The following CUL9 variants were observed in gnomAD, a reference collection of about 807,000 sequenced individuals.
CUL9 encodes cullin-9.
A neutral mutation model predicts 272.6 loss-of-function variants in CUL9; 79 were observed. That is an observed-to-expected ratio of 0.29 (90% CI 0.24 to 0.35). The LOEUF is 0.35. Among genes scored for constraint, CUL9 ranks in the 10% least tolerant of loss-of-function variants. The probability of loss-of-function intolerance (pLI) is 1.00; values close to 1 mark genes in which losing one functional copy is unlikely to be tolerated. For synonymous variants in CUL9, 1,186 were observed against 1,286.5 expected, an observed-to-expected ratio of 0.92 and a Z score of 1.67; for missense variants, 2,532 against 3,255.6, an observed-to-expected ratio of 0.78 and a Z score of 5.41.
intron 12 of CUL9, 79 bp downstream of exon 12, chr6:43,198,934 GTTTTC>G: frequency 6.9e-7 from 1 of 1,446,114 alleles, no homozygotes; most frequent in Non-Finnish European, 9.3e-7. Context: ...TTTCTTTTCT[GTTTTC>G]TTTTTTTTTT....
rs1170785666 is a variant in CUL9 at position 43,200,353 on chromosome 6, CTT to C, written c.3385-79_3385-78del. ...AGTTGAGTATACCGTTGACCCTTGA[CTT>C]TTTCTCTCTACCTGTTTCTGGGCAT... is the stretch of plus-strand genomic sequence containing the variant. On this transcript the variant is annotated intron_variant, in intron 14 of 40. Transcript: ENST00000252050. The surrounding 1 kb of genome is among the most constrained non-coding windows in gnomAD (Gnocchi z 4.0). 7 of 1,609,226 alleles carry C rather than the reference CTT, an allele frequency of 4.3e-6. No individual in the cohort carries two copies. Among genetic ancestry groups the C allele is most frequent in the Non-Finnish European group, 6.0e-6 (7 of 1,176,156 alleles).
Position 43,223,245 on chromosome 6 carries a change from G to A in CUL9, c.7151-19G>A. 1.3e-6 allele frequency: 2 copies of A among 1,586,986 alleles called. No homozygotes were observed. Among genetic ancestry groups the A allele is most frequent in the Non-Finnish European group, 1.7e-6 (2 of 1,164,436 alleles). ...GAGAATGAGAAGGGAGGGAGCCTCT[G>A]TGCCTGCCCCCTCTGCAGAGGAAAC... On this transcript the variant is annotated intron_variant, in intron 38 of 40. Transcript: ENST00000252050. The surrounding 1 kb of genome is among the most constrained non-coding windows in gnomAD (Gnocchi z 4.1).
In CUL9 at chr6:43,222,557, G is replaced by C. The variant is rs368220007; in HGVS notation, c.6948G>C (p.Arg2316=). 2.5e-5 allele frequency: 40 copies of C among 1,613,710 alleles called. No individual in the cohort carries two copies. The highest frequency in any genetic ancestry group is 3.3e-4 in the Middle Eastern group (2 of 6,084). ...AGTTTGCTGTGAACTTGCGGAACCG[G>C]GTGTCTGCCATCCATGAAGTGCCCC... ...AREFAVNLRN[R]VSAIHEVPPP... The change falls in exon 37 of 41, where the codon CGG becomes CGC. Residue 2316 remains arginine, a synonymous_variant. Coordinates refer to ENST00000252050, the MANE Select transcript of CUL9 (RefSeq NM_015089.4).
At chr6:43,195,308 A>G (rs536247829) in intron 9 of CUL9, among the ~76,000 whole-genome samples, 1 of 152,190 alleles carries the variant, frequency 6.6e-6, no homozygotes, top group Non-Finnish European at 1.5e-5. Flanking sequence ...CTGATTGTAT[A>G]GTGTCTATTT....
intron 10 of CUL9, 60 bp from the exon 11 acceptor site, chr6:43,196,585 T>G: frequency 6.9e-7 from 1 of 1,442,994 alleles, no homozygotes; most frequent in Non-Finnish European, 9.8e-7. Context: ...ATGCTTGCTT[T>G]GCTGCTTCCA....
intron 31 of CUL9, among the ~76,000 whole-genome samples, chr6:43,216,985 C>T (rs1490961205): frequency 6.6e-6 from 1 of 152,130 alleles, no homozygotes; most frequent in Non-Finnish European, 1.5e-5. Flanking sequence ...TGTGGTTGCC[C>T]TTATTACCAT....
chr6:43,216,321 G>A lies in CUL9; in HGVS notation c.6100G>A (p.Gly2034Ser), dbSNP rs748283298. ...AQHLLAHSHW[G>S]AEQLLQSYSE... ...GCACCTTTTGGCTCATTCCCACTGG[G>A]GCGCTGAACAGCTGCTGCAGAGCTA... is the stretch of plus-strand genomic sequence containing the variant. The change falls in exon 31 of 41, where the codon GGC becomes AGC. Residue 2034 changes from glycine to serine, a missense_variant. Physicochemically the swap from Gly to Ser is moderately conservative, Grantham distance 56 (BLOSUM62 0). Coordinates refer to ENST00000252050, the MANE Select transcript of CUL9 (RefSeq NM_015089.4). 1.2e-6 allele frequency: 2 copies of A among 1,614,156 alleles called. No homozygotes were observed. Among genetic ancestry groups the A allele is most frequent in the South Asian group, 1.1e-5 (1 of 91,080 alleles).
chr6:43,221,106 C>T lies in CUL9; in HGVS notation c.6589-52C>T. Reference sequence around the variant, plus strand: ...CTCCCCTCTCTCCTGTGCACACCAGCCATGCTGCCCTCACGGCTCAGCTGT... The same window carrying T: ...CTCCCCTCTCTCCTGTGCACACCAGTCATGCTGCCCTCACGGCTCAGCTGT... On this transcript the variant is annotated intron_variant, in intron 33 of 40. Coordinates refer to ENST00000252050, the MANE Select transcript of CUL9 (RefSeq NM_015089.4). The surrounding 1 kb of genome is among the most constrained non-coding windows in gnomAD (Gnocchi z 4.2). 1 of 1,591,118 alleles carries T rather than the reference C, an allele frequency of 6.3e-7. No individual in the cohort carries two copies. The highest frequency in any genetic ancestry group is 1.1e-5 in the South Asian group (1 of 88,428).
At chr6:43,202,175 C>T (rs911633143) in intron 16 of CUL9, among the ~76,000 whole-genome samples, 11 of 152,014 alleles carry the variant, frequency 7.2e-5, no homozygotes, top group African/African-American at 1.9e-4. Context: ...ACTGAGTGCA[C>T]GGAAGTTTTA....
Position 43,187,295 on chromosome 6 carries a change from G to A in CUL9, c.1437G>A (p.Pro479=), listed in dbSNP as rs148427416. 10 of 1,614,016 alleles carry A rather than the reference G, an allele frequency of 6.2e-6. No individual in the cohort carries two copies. The highest frequency in any genetic ancestry group is 2.2e-5 in the East Asian group (1 of 44,884). Residue 479 remains proline, a synonymous_variant, in exon 6 of 41, where the codon CCG becomes CCA. Transcript: ENST00000252050. ...WNPMDGLYPL[P]YLQPEPQKNE... ...CTATGGATGGGCTGTACCCTTTGCC[G>A]TACCTCCAGCCCGAACCTCAGAAGA... is the stretch of plus-strand genomic sequence containing the variant.
chr6:43,202,708 T>C lies in CUL9; in HGVS notation c.3648-8T>C, dbSNP rs1473428777. On this transcript the variant is annotated splice_polypyrimidine_tract_variant and splice_region_variant and intron_variant, in intron 16 of 40. Coordinates refer to ENST00000252050, the MANE Select transcript of CUL9 (RefSeq NM_015089.4). The stretch of plus-strand genomic sequence containing the variant: ...CCAGCTTTGACTGTTTCCTTTCTTC[T>C]TTCCCAGGCAGCTCACTTTGCTGGT... The C allele has an allele frequency of 1.9e-6, 3 of 1,613,570 alleles. No homozygotes were observed. Among genetic ancestry groups the C allele is most frequent in the East Asian group, 2.2e-5 (1 of 44,892 alleles).
rs1374036494 is a variant in CUL9, at chr6:43,222,582, C to T, written c.6973C>T (p.Pro2325Ser). 6.2e-7 allele frequency: 1 copy of T among 1,613,598 alleles called. No homozygotes were observed. ...NRVSAIHEVP[P>S]PRSFTFLNDA... ...GGTGTCTGCCATCCATGAAGTGCCC[C>T]CGCCCAGATCCTTCACCTTCCTCAA... The change falls in exon 37 of 41, where the codon CCG becomes TCG. Residue 2325 changes from proline (P) to serine (S), a missense_variant. This residue lies in a region of CUL9 where 237 missense variants were observed against 305.9 expected (regional missense o/e 0.77). Coordinates refer to ENST00000252050, the MANE Select transcript of CUL9 (RefSeq NM_015089.4).
At chr6:43,197,626 GGTGC>G in intron 11 of CUL9, among the ~76,000 whole-genome samples, 1 of 151,850 alleles carries the variant, frequency 6.6e-6, no homozygotes, top group African/African-American at 2.4e-5. Context: ...TGGGATTACA[GGTGC>G]GCACCACCAC....
At chr6:43,222,948 C>T in intron 38 of CUL9, 52 bp downstream of exon 38, 3 of 1,487,884 alleles carry the variant, frequency 2.0e-6, no homozygotes, top group Non-Finnish European at 1.9e-6. Context: ...CCCTCTGTTG[C>T]ACAGCCCGGC....
Position 43,213,388 on chromosome 6 carries a change from C to T in CUL9, c.5359-50C>T. The T allele has an allele frequency of 6.2e-7, 1 of 1,611,826 alleles. No homozygotes were observed. On this transcript the variant is annotated intron_variant, in intron 27 of 40. Transcript: ENST00000252050. This position sits in a 1 kb window ranked among gnomAD's most constrained non-coding sequence, Gnocchi z 5.7. ...CTGTTCCTCCTTCATCCTTACTCCC[C>T]TCTTCCTTTTCTTTCCTTTGACTCC...
Position 43,223,434 on chromosome 6 carries a change from C to G in CUL9, c.7284+37C>G. 6.4e-7 allele frequency: 1 copy of G among 1,557,132 alleles called. No individual in the cohort carries two copies. Among genetic ancestry groups the G allele is most frequent in the Non-Finnish European group, 8.7e-7 (1 of 1,144,796 alleles). On this transcript the variant is annotated intron_variant, in intron 39 of 40. Coordinates refer to ENST00000252050, the MANE Select transcript of CUL9 (RefSeq NM_015089.4). The surrounding 1 kb of genome is among the most constrained non-coding windows in gnomAD (Gnocchi z 4.1). ...CCCAGACCCCTTCTGCTCCTGCATT[C>G]TGCGGGAGTTGAGGTCCTCCTGTCC... is the stretch of plus-strand genomic sequence containing the variant.
At chr6:43,217,630 CT>C (rs1237903339) in intron 31 of CUL9, among the ~76,000 whole-genome samples, 1 of 152,190 alleles carries the variant, frequency 6.6e-6, no homozygotes, top group African/African-American at 2.4e-5. Context: ...TCTGCATGTG[CT>C]TGTGTGCACG....
rs140466677 is a variant in CUL9 at position 43,188,026 on chromosome 6, C to A, written c.1895C>A (p.Thr632Asn). Residue 632 changes from threonine to asparagine, a missense_variant, in exon 7 of 41, where the codon ACC becomes AAC. Thr to Asn is a moderately conservative substitution (Grantham distance 65). Transcript: ENST00000252050. Reference protein sequence around the residue: ...EAEPTKTRTETPMAQSDSQLF... With the variant: ...EAEPTKTRTENPMAQSDSQLF... The stretch of plus-strand genomic sequence containing the variant: ...GAGCCCACCAAGACAAGGACCGAGA[C>A]CCCCATGGCACAGAGTGATTCTCAG... The A allele has an allele frequency of 2.5e-6, 4 of 1,613,838 alleles. No individual in the cohort carries two copies. The highest frequency in any genetic ancestry group is 4.5e-5 in the East Asian group (2 of 44,874).
At position 43,184,385 on chromosome 6, in the gene CUL9, C is replaced by G; in HGVS notation, c.75C>G (p.Leu25=). The G allele has an allele frequency of 6.2e-7, 1 of 1,610,504 alleles. No individual in the cohort carries two copies. The highest frequency in any genetic ancestry group is 1.1e-5 in the South Asian group (1 of 90,670). The change falls in exon 2 of 41, where the codon CTC becomes CTG. Residue 25 remains leucine, a synonymous_variant. Transcript: ENST00000252050. The surrounding 1 kb of genome is among the most constrained non-coding windows in gnomAD (Gnocchi z 4.8). ...GPRLQAYPEE[L]IRQRPGHDGH... ...GGCTGCAGGCATATCCTGAAGAACTCATTCGACAGAGGCCTGGGCATGACG... is the reference window on the plus strand; with the variant it reads ...GGCTGCAGGCATATCCTGAAGAACTGATTCGACAGAGGCCTGGGCATGACG...
Sources: gnomAD v4.1 joint callset for allele counts (sites outside exome capture counted in the v4.1 genomes callset) on GRCh38, gnomAD v4.1.1 for gene constraint, gnomAD v4.1.1 regional missense constraint, Gnocchi (gnomAD v3.1) non-coding constraint, MANE v1.5 for transcripts, NCBI Gene and HGNC (gene_info 2026-07-23, HGNC 2026-07-21) for gene names.